Variants in CUL2 observed in about 807,000 individuals in gnomAD.
CUL2 encodes cullin-2.
CUL2 carries 22 observed loss-of-function variants against 110.2 expected under a neutral mutation model. The observed-to-expected ratio is 0.20, with a 90% CI of 0.14 to 0.28. The LOEUF is 0.28. CUL2 is among the 10% of genes least tolerant of loss of function. The pLI is 1.00. For synonymous variants in CUL2, 279 were observed against 293.2 expected, an observed-to-expected ratio of 0.95 and a Z score of 0.49; for missense variants, 631 against 905.5, an observed-to-expected ratio of 0.70 and a Z score of 3.89.
intron 20 of CUL2, 25 bp downstream of exon 20, chr10:35,011,823 G>A (rs761150131): frequency 7.9e-7 from 1 of 1,270,124 alleles, no homozygotes; most frequent in African/African-American, 1.5e-5. Flanking sequence ...ACCCTAAGAA[G>A]CCCTGAGGAC....
At chr10:35,017,049 A>T (rs1434313661) in intron 17 of CUL2, among the ~76,000 whole-genome samples, 1 of 151,882 alleles carries the variant, frequency 6.6e-6, no homozygotes, top group Non-Finnish European at 1.5e-5. Context: ...GGAGAAATGG[A>T]CAGACAAAGG....
Position 35,028,863 on chromosome 10 carries a change from C to A in CUL2, c.1564G>T (p.Ala522Ser), listed in dbSNP as rs367761644. Reference protein sequence around the residue: ...LQAGAWPLTQAPSSTFAIPQE... With the variant: ...LQAGAWPLTQSPSSTFAIPQE... The stretch of plus-strand genomic sequence containing the variant: ...GGAATTGCAAACGTAGATGAAGGAG[C>A]CTGAGTAAGAGGCCACGCACCAGCC... The change falls in exon 16 of 21, where the codon GCT (alanine) becomes TCT (serine). Residue 522 changes from alanine (A) to serine (S), a missense_variant. Physicochemically the swap from Ala to Ser is moderately conservative, Grantham distance 99. Transcript: ENST00000374749. 8.1e-5 allele frequency: 130 copies of A among 1,610,250 alleles called. No homozygotes were observed. The highest frequency in any genetic ancestry group is 1.1e-4 in the Non-Finnish European group (128 of 1,177,652).
At chr10:35,020,765 T>C (rs2085160630) in intron 17 of CUL2, among the ~76,000 whole-genome samples, 1 of 152,188 alleles carries the variant, frequency 6.6e-6, no homozygotes, top group South Asian at 2.1e-4. Flanking sequence ...TCTGTATGTC[T>C]TTATCAAACT....
intron 1 of CUL2, among the ~76,000 whole-genome samples, chr10:35,080,696 C>T (rs2086926209): frequency 6.6e-6 from 1 of 152,072 alleles, no homozygotes; most frequent in Non-Finnish European, 1.5e-5. Flanking sequence ...GCTCAAGCTT[C>T]CACCAGCCTT....
At chr10:35,056,229 G>A (rs76587172) in intron 4 of CUL2, among the ~76,000 whole-genome samples, 2,151 of 152,150 alleles carry the variant, frequency 0.014, 24 homozygotes, top group Middle Eastern at 0.027. Flanking sequence ...AATAATTACT[G>A]AATAAATAAA....
At chr10:35,022,049 T>C (rs2085214874) in intron 17 of CUL2, among the ~76,000 whole-genome samples, 1 of 151,556 alleles carries the variant, frequency 6.6e-6, no homozygotes. Context: ...CTCTATCACA[T>C]TCAAAACACC....
chr10:35,045,515 C>A (rs2085912656), intron 6 of CUL2, among the ~76,000 whole-genome samples: 1 of 143,136 alleles, frequency 7.0e-6, no homozygotes, highest in Admixed American at 7.3e-5. Context: ...GAGTTTGAGA[C>A]TAGCCTGGGC....
chr10:35,040,366 C>T (rs541076990), intron 8 of CUL2, among the ~76,000 whole-genome samples: 2 of 152,264 alleles, frequency 1.3e-5, no homozygotes, highest in Admixed American at 6.5e-5. Flanking sequence ...ACAACATATA[C>T]ACAGACAAAT....
chr10:35,072,219 T>C (rs2086698925), intron 1 of CUL2, among the ~76,000 whole-genome samples: 2 of 152,042 alleles, frequency 1.3e-5, no homozygotes, highest in Non-Finnish European at 2.9e-5. Context: ...TCACATGACC[T>C]TTTAAGATTA....
chr10:35,038,015 T>A (rs2085671432), intron 9 of CUL2, among the ~76,000 whole-genome samples: 1 of 151,892 alleles, frequency 6.6e-6, no homozygotes, highest in African/African-American at 2.4e-5. Context: ...TAGCTGGATG[T>A]GATGGCACAC....
chr10:35,035,424 G>T (rs2085597464), intron 9 of CUL2, 128 bp from the exon 10 acceptor site: 1 of 913,098 alleles, frequency 1.1e-6, no homozygotes. Context: ...AGTCCCCCAT[G>T]CCCACCTCCC....
chr10:35,069,727 T>C (rs984469105), intron 2 of CUL2, among the ~76,000 whole-genome samples: 9 of 152,120 alleles, frequency 5.9e-5, no homozygotes, highest in African/African-American at 1.9e-4. Flanking sequence ...ACATTTTAAT[T>C]ATTTTTTCTT....
intron 1 of CUL2, among the ~76,000 whole-genome samples, chr10:35,071,708 A>G (rs1330885586): frequency 6.6e-6 from 1 of 152,104 alleles, no homozygotes; most frequent in African/African-American, 2.4e-5. Flanking sequence ...ACACCCGGCC[A>G]GTTATTTGTT....
At chr10:35,068,593 T>C (rs1354067531) in intron 2 of CUL2, among the ~76,000 whole-genome samples, 1 of 152,218 alleles carries the variant, frequency 6.6e-6, no homozygotes, top group African/African-American at 2.4e-5. Flanking sequence ...TGTAATTGCT[T>C]GCATTATAAT....
chr10:35,071,807 T>G (rs1331146802), intron 1 of CUL2, among the ~76,000 whole-genome samples: 1 of 152,210 alleles, frequency 6.6e-6, no homozygotes, highest in African/African-American at 2.4e-5. Context: ...TACCATCTTT[T>G]CATGACTATC....
chr10:35,073,431 C>T (rs370483516), intron 1 of CUL2, among the ~76,000 whole-genome samples: 2 of 152,172 alleles, frequency 1.3e-5, no homozygotes, highest in Admixed American at 6.5e-5. Context: ...ACAAATGATC[C>T]GGAATCAGGC....
intron 1 of CUL2, among the ~76,000 whole-genome samples, chr10:35,121,384 C>T (rs1190580927): frequency 6.6e-6 from 1 of 152,186 alleles, no homozygotes; most frequent in East Asian, 1.9e-4. Context: ...CACCATCACG[C>T]CCAGCTGATT....
chr10:35,070,342 A>G (rs2086646411), intron 2 of CUL2, among the ~76,000 whole-genome samples: 1 of 152,198 alleles, frequency 6.6e-6, no homozygotes. Context: ...GGTCTAAAGA[A>G]CTTTACTCTT....
At chr10:35,109,449 C>G (rs1030671543) in intron 1 of CUL2, among the ~76,000 whole-genome samples, 3 of 152,114 alleles carry the variant, frequency 2.0e-5, no homozygotes, top group Non-Finnish European at 4.4e-5. Context: ...TGAGCAGAGA[C>G]AGATAAAAAT....
Sources: gnomAD v4.1 joint callset for allele counts (sites outside exome capture counted in the v4.1 genomes callset) on GRCh38, gnomAD v4.1.1 for gene constraint, MANE v1.5 for transcripts, NCBI Gene and HGNC (gene_info 2026-07-23, HGNC 2026-07-21) for gene names.